SENP6: variants seen among roughly 807,000 people sequenced by gnomAD.
SENP6 encodes SUMO specific peptidase 6, also known as sentrin-specific protease 6.
In SENP6, 41 loss-of-function variants were observed where a neutral mutation model predicts 134.5. The ratio of observed to expected loss-of-function variants is 0.30; its 90% CI spans 0.24 to 0.40. The LOEUF (loss-of-function observed/expected upper bound fraction) is 0.40, where lower values mean the gene tolerates loss of function less well. Among genes scored for constraint, SENP6 ranks in the 10% least tolerant of loss-of-function variants. The probability of loss-of-function intolerance (pLI) is 1.00; values close to 1 mark genes in which losing one functional copy is unlikely to be tolerated. For missense variants in SENP6, 1,248 were observed against 1,312.5 expected, an observed-to-expected ratio of 0.95 and a Z score of 0.76; for synonymous variants, 395 against 429.8, an observed-to-expected ratio of 0.92 and a Z score of 1.00.
chr6:75,687,167 C>G (rs188407945), intron 16 of SENP6, among the ~76,000 whole-genome samples: 1 of 152,308 alleles, frequency 6.6e-6, no homozygotes, highest in Admixed American at 6.5e-5. Context: ...CACTGATACT[C>G]TTTCTTCCTC....
At chr6:75,616,515 G>A (rs1186948434) in intron 1 of SENP6, among the ~76,000 whole-genome samples, 1 of 152,102 alleles carries the variant, frequency 6.6e-6, no homozygotes, top group East Asian at 1.9e-4. Flanking sequence ...TTGGGAGGCC[G>A]AGGCGGGTGG....
chr6:75,608,897 CTCT>C (rs1767233739), intron 1 of SENP6, among the ~76,000 whole-genome samples: 1 of 152,140 alleles, frequency 6.6e-6, no homozygotes, highest in Non-Finnish European at 1.5e-5. Context: ...TGCTTGTCTT[CTCT>C]TCTATTTGAA....
intron 9 of SENP6, among the ~76,000 whole-genome samples, chr6:75,666,289 T>G (rs1272385066): frequency 1.4e-5 from 2 of 148,002 alleles, no homozygotes; most frequent in African/African-American, 4.9e-5. Context: ...ATATATATAC[T>G]TGACTACATG....
chr6:75,612,796 G>C (rs1170110774), intron 1 of SENP6, among the ~76,000 whole-genome samples: 1 of 152,040 alleles, frequency 6.6e-6, no homozygotes, highest in African/African-American at 2.4e-5. Context: ...ATTGCTAAAG[G>C]ATACCCTAGG....
At chr6:75,621,497 TAATG>T (rs1183235561) in intron 1 of SENP6, 31 bp from the exon 2 acceptor site, 2 of 1,212,592 alleles carry the variant, frequency 1.6e-6, no homozygotes, top group East Asian at 2.3e-5. Flanking sequence ...ATAGCTCTAT[TAATG>T]AATACTTACT....
chr6:75,643,319 A>C (rs777881195), intron 6 of SENP6, among the ~76,000 whole-genome samples: 1 of 152,220 alleles, frequency 6.6e-6, no homozygotes, highest in Non-Finnish European at 1.5e-5. Context: ...GTTTACAAGC[A>C]TCATACTAAA....
chr6:75,699,557 G>A (rs1774892830), intron 18 of SENP6, among the ~76,000 whole-genome samples: 1 of 151,624 alleles, frequency 6.6e-6, no homozygotes, highest in African/African-American at 2.4e-5. Flanking sequence ...GCATGATGTC[G>A]GCTTACTGCA....
At chr6:75,628,289 T>A (rs936128594) in intron 3 of SENP6, among the ~76,000 whole-genome samples, 2 of 152,138 alleles carry the variant, frequency 1.3e-5, no homozygotes, top group Admixed American at 1.3e-4. Flanking sequence ...TTAATAGAGA[T>A]ATCCTTCACT....
chr6:75,618,991 T>C (rs986015814), intron 1 of SENP6, among the ~76,000 whole-genome samples: 19 of 150,556 alleles, frequency 1.3e-4, no homozygotes, highest in African/African-American at 3.6e-4. Context: ...AGAGGATTTA[T>C]GTTTGCTTGT....
chr6:75,622,901 T>C, intron 2 of SENP6: 2 of 881,454 alleles, frequency 2.3e-6, no homozygotes. Flanking sequence ...GTTTTCTTTC[T>C]TTCATTTCTT....
intron 10 of SENP6, 127 bp from the exon 11 acceptor site, chr6:75,670,423 CTGT>C (rs1772579215): frequency 1.8e-6 from 1 of 561,716 alleles, no homozygotes; most frequent in Non-Finnish European, 3.0e-6. Flanking sequence ...TTATCTAACA[CTGT>C]TGAAGGGAAA....
At chr6:75,705,307 G>A (rs1352390627) in intron 19 of SENP6, among the ~76,000 whole-genome samples, 1 of 152,138 alleles carries the variant, frequency 6.6e-6, no homozygotes, top group Non-Finnish European at 1.5e-5. Flanking sequence ...AGCACTTTGG[G>A]AGGCTGAGGC....
At chr6:75,714,829 T>A (rs192947954) in intron 23 of SENP6, among the ~76,000 whole-genome samples, 34 of 152,374 alleles carry the variant, frequency 2.2e-4, no homozygotes, top group African/African-American at 7.9e-4. Context: ...CTTGTCTGTC[T>A]AACATGTATT....
At chr6:75,631,499 C>T (rs960700411) in intron 3 of SENP6, among the ~76,000 whole-genome samples, 19 of 152,168 alleles carry the variant, frequency 1.2e-4, no homozygotes, top group Non-Finnish European at 2.5e-4. Context: ...AAGGCTCTAC[C>T]CTGAAGTCTA....
At chr6:75,687,574 T>G (rs1773936847) in intron 16 of SENP6, among the ~76,000 whole-genome samples, 1 of 152,214 alleles carries the variant, frequency 6.6e-6, no homozygotes, top group Non-Finnish European at 1.5e-5. Context: ...GACCGACAGA[T>G]GGGGTTTTGG....
rs1562073188 is a variant in SENP6, at chr6:75,705,924, C to CTTTTTTTTTTTTTTTTTTTTTTTTTTTT, written c.2716+2852_2716+2853insTTTTTTTTTTTTTTTTTTTTTTTTTTTT. 3.8e-3 allele frequency among the ~76,000 whole-genome samples: 342 copies of CTTTTTTTTTTTTTTTTTTTTTTTTTTTT among 89,284 alleles called. 113 individuals are homozygous for CTTTTTTTTTTTTTTTTTTTTTTTTTTTT. The highest frequency in any genetic ancestry group is 7.1e-3 in the Middle Eastern group (1 of 140). The allele number at this position is 89,284 out of a possible 152,430, so 58.6% of individuals were successfully genotyped here. A position where few individuals can be genotyped will look rare whatever the true frequency, so the allele number is the denominator to read the frequency against. Reference sequence around the variant, plus strand: ...AGTGAGTTAGAAAGCTATTTTTGAGCCTTTTTTTTTTTTTTTTTTTTTTTT... The same window carrying CTTTTTTTTTTTTTTTTTTTTTTTTTTTT: ...AGTGAGTTAGAAAGCTATTTTTGAGCTTTTTTTTTTTTTTTTTTTTTTTTTTTTCTTTTTTTTTTTTTTTTTTTTTTTT... On this transcript the variant is annotated intron_variant, in intron 19 of 23. Coordinates refer to ENST00000447266, the MANE Select transcript of SENP6 (RefSeq NM_015571.4).
intron 1 of SENP6, among the ~76,000 whole-genome samples, chr6:75,617,154 C>T (rs1352406900): frequency 6.6e-6 from 1 of 151,512 alleles, no homozygotes; most frequent in Non-Finnish European, 1.5e-5. Flanking sequence ...GCTTAGATTA[C>T]AGGCATGAGC....
At chr6:75,629,311 AT>A (rs993716579) in intron 3 of SENP6, among the ~76,000 whole-genome samples, 1 of 150,428 alleles carries the variant, frequency 6.6e-6, no homozygotes, top group Non-Finnish European at 1.5e-5. Context: ...TTTTATTTTT[AT>A]TTTTTTTGAG....
chr6:75,602,474 G>C lies in SENP6; in HGVS notation c.-51G>C. 6.5e-7 allele frequency: 1 copy of C among 1,547,794 alleles called. No homozygotes were observed. The highest frequency in any genetic ancestry group is 8.7e-7 in the Non-Finnish European group (1 of 1,145,188). On this transcript the variant is annotated 5_prime_UTR_variant, in exon 1 of 24. Coordinates refer to ENST00000447266, the MANE Select transcript of SENP6 (RefSeq NM_015571.4). ...CGCGGCCCCTCATCCCGGCGAGCACGGCGGCGGTGTGGGCCATGGATTAAG... is the reference window on the plus strand; with the variant it reads ...CGCGGCCCCTCATCCCGGCGAGCACCGCGGCGGTGTGGGCCATGGATTAAG...
Sources: allele counts gnomAD v4.1 joint callset (sites outside exome capture counted in the v4.1 genomes callset), GRCh38; gene constraint gnomAD v4.1.1; transcripts MANE v1.5; gene names NCBI Gene and HGNC (gene_info 2026-07-23, HGNC 2026-07-21).